ITSN2: variants seen among roughly 807,000 people sequenced by gnomAD.
ITSN2 encodes the protein intersectin-2.
Under a neutral mutation model 243.7 loss-of-function variants are expected in ITSN2, and 156 were observed. That is an observed-to-expected ratio of 0.64 (90% CI 0.56 to 0.73). The LOEUF (loss-of-function observed/expected upper bound fraction) is 0.73. ITSN2 is among the 30% of genes least tolerant of loss of function. The pLI is 0.00. For missense variants in ITSN2, 1,801 were observed against 1,996.1 expected (o/e 0.90, Z 1.86); for synonymous variants, 703 against 699.9 (o/e 1.00, Z -0.07).
chr2:24,269,171 C>T (rs190075585), intron 20 of ITSN2, among the ~76,000 whole-genome samples: 9 of 152,080 alleles, frequency 5.9e-5, no homozygotes, highest in East Asian at 3.9e-4. Flanking sequence ...TTCTCTCTCA[C>T]GTTACTACTC....
intron 1 of ITSN2, among the ~76,000 whole-genome samples, chr2:24,342,333 G>A (rs1310590296): frequency 6.6e-6 from 1 of 151,668 alleles, no homozygotes; most frequent in Non-Finnish European, 1.5e-5. Context: ...AAGCGGCTGG[G>A]ACCACAAGAG....
At chr2:24,347,632 G>A (rs940170896) in intron 1 of ITSN2, among the ~76,000 whole-genome samples, 1 of 152,018 alleles carries the variant, frequency 6.6e-6, no homozygotes, top group East Asian at 1.9e-4. Flanking sequence ...GTTGCGGTGA[G>A]CTGAGATCGC....
At chr2:24,320,281 AG>A (rs1684405243) in intron 2 of ITSN2, among the ~76,000 whole-genome samples, 1 of 151,934 alleles carries the variant, frequency 6.6e-6, no homozygotes, top group Non-Finnish European at 1.5e-5. Context: ...GCACTTTGGG[AG>A]GCCGAGGAGG....
chr2:24,353,988 T>A (rs545003862), intron 1 of ITSN2, among the ~76,000 whole-genome samples: 1 of 152,240 alleles, frequency 6.6e-6, no homozygotes, highest in Non-Finnish European at 1.5e-5. Flanking sequence ...TTAGACCACA[T>A]AATAACATGG....
chr2:24,306,165 C>T (rs1013315122), intron 8 of ITSN2, among the ~76,000 whole-genome samples: 34 of 152,042 alleles, frequency 2.2e-4, no homozygotes, highest in African/African-American at 7.5e-4. Context: ...TTTTTAGTAG[C>T]GATGGGGTTT....
At chr2:24,272,424 CTTT>C (rs528083155) in intron 18 of ITSN2, among the ~76,000 whole-genome samples, 2 of 123,416 alleles carry the variant, frequency 1.6e-5, no homozygotes, top group Non-Finnish European at 3.4e-5. Flanking sequence ...AAACAACCTA[CTTT>C]TTTTTTTTTT....
At position 24,212,624 on chromosome 2, in the gene ITSN2, C is replaced by T. The variant is rs1206345308; in HGVS notation, c.4089+26G>A. 1.9e-6 allele frequency: 3 copies of T among 1,565,790 alleles called. No homozygotes were observed. The African/African-American group carries it at 4.1e-5, about 21-fold the overall frequency. On this transcript the variant is annotated intron_variant, in intron 33 of 39. Transcript: ENST00000355123. ...CAGCGCATCCTGCTCCTAACTCAGA[C>T]CCCACTGCCCGGCCTGCACACTCAC...
chr2:24,245,058 C>T (rs1235047731), intron 29 of ITSN2, among the ~76,000 whole-genome samples: 1 of 151,898 alleles, frequency 6.6e-6, no homozygotes. Context: ...AAAAATAAAA[C>T]TAAAAATTAA....
chr2:24,255,399 C>T (rs1402937518), intron 23 of ITSN2, among the ~76,000 whole-genome samples: 3 of 152,168 alleles, frequency 2.0e-5, no homozygotes, highest in East Asian at 1.9e-4. Context: ...GAGACCGAGG[C>T]GGGCAGATCA....
intron 1 of ITSN2, among the ~76,000 whole-genome samples, chr2:24,356,255 C>T (rs1310046559): frequency 1.4e-5 from 2 of 143,716 alleles, no homozygotes; most frequent in Admixed American, 7.1e-5. Flanking sequence ...ATCCCAGCTA[C>T]TTGGGAGGTG....
chr2:24,205,189 C>T, intron 38 of ITSN2, 25 bp downstream of exon 38: 2 of 1,596,556 alleles, frequency 1.3e-6, no homozygotes, highest in South Asian at 1.1e-5. Context: ...GTTATGTCTG[C>T]TGAATGAATC....
intron 1 of ITSN2, chr2:24,334,426 G>A (rs982824987): frequency 3.6e-5 from 17 of 476,198 alleles, no homozygotes; most frequent in African/African-American, 3.4e-4. Flanking sequence ...CCTTGGCCCA[G>A]CCAAGGTTAA....
At chr2:24,230,645 G>C (rs1041790551) in intron 29 of ITSN2, among the ~76,000 whole-genome samples, 3 of 152,092 alleles carry the variant, frequency 2.0e-5, no homozygotes, top group Non-Finnish European at 4.4e-5. Context: ...GTGGGCACTT[G>C]TAATCCCATC....
intron 22 of ITSN2, among the ~76,000 whole-genome samples, chr2:24,259,077 T>C (rs1675448427): frequency 6.6e-6 from 1 of 152,222 alleles, no homozygotes; most frequent in Non-Finnish European, 1.5e-5. Flanking sequence ...CTACTGGGTG[T>C]TTCTACCAAG....
chr2:24,321,116 T>C (rs1297816628), intron 2 of ITSN2, among the ~76,000 whole-genome samples: 2 of 152,198 alleles, frequency 1.3e-5, no homozygotes, highest in Admixed American at 6.5e-5. Context: ...ATTGATAGCT[T>C]TTGTTCCAGA....
At chr2:24,314,409 G>T (rs1217216323) in intron 3 of ITSN2, among the ~76,000 whole-genome samples, 1 of 152,114 alleles carries the variant, frequency 6.6e-6, no homozygotes, top group Non-Finnish European at 1.5e-5. Flanking sequence ...TCAAAGCCCA[G>T]ATTAACACTA....
intron 8 of ITSN2, 106 bp from the exon 9 acceptor site, chr2:24,303,968 G>A: frequency 1.2e-6 from 1 of 817,426 alleles, no homozygotes. Flanking sequence ...GGTATCCTGG[G>A]AACTTTTAAC....
rs570714046 is a variant in ITSN2, at chr2:24,210,761, T to G, written c.4257+19A>C. On this transcript the variant is annotated intron_variant, in intron 34 of 39. Transcript: ENST00000355123. Reference sequence around the variant, plus strand: ...CAGAGCCTCCCTGGAGGCGCACGGCTTAACCACACAGGCCTGACCTCCGCG... The same window carrying G: ...CAGAGCCTCCCTGGAGGCGCACGGCGTAACCACACAGGCCTGACCTCCGCG... The G allele has an allele frequency of 6.2e-7, 1 of 1,610,846 alleles. No homozygotes were observed. The highest frequency in any genetic ancestry group is 1.3e-5 in the African/African-American group (1 of 74,976).
At chr2:24,316,551 G>A (rs965568973) in intron 2 of ITSN2, among the ~76,000 whole-genome samples, 18 of 152,320 alleles carry the variant, frequency 1.2e-4, no homozygotes, top group Admixed American at 4.6e-4. Flanking sequence ...AAAGTGCTGG[G>A]ATTACAGGCG....
Sources: allele counts gnomAD v4.1 joint callset (sites outside exome capture counted in the v4.1 genomes callset), GRCh38; gene constraint gnomAD v4.1.1; transcripts MANE v1.5; gene names NCBI Gene and HGNC (gene_info 2026-07-23, HGNC 2026-07-21).